Variants in FAM186B observed in about 807,000 individuals in gnomAD.
FAM186B encodes the protein family with sequence similarity 186 member B.
In FAM186B, 68 loss-of-function variants were observed where a neutral mutation model predicts 83.4. That is an observed-to-expected ratio of 0.81 (90% CI 0.67 to 1.00). The LOEUF is 1.00. Ranked by LOEUF, FAM186B falls within the 50% of genes least tolerant of loss-of-function variation. The pLI is 0.00. For synonymous variants in FAM186B, 389 were observed against 422.0 expected (o/e 0.92, Z 0.96); for missense variants, 983 against 1,099.2 (o/e 0.89, Z 1.49).
chr12:49,605,722 T>C (rs546650826), upstream of FAM186B: 133 of 392,888 alleles, frequency 3.4e-4, 1 homozygote, highest in African/African-American at 2.5e-3. Context: ...TTTTTGTCCA[T>C]TACCTAACAT....
rs374835327 is a variant in FAM186B at position 49,599,959 on chromosome 12, T to A, written c.1681A>T (p.Thr561Ser). Residue 561 changes from threonine (T) to serine (S), a missense_variant, in exon 4 of 7, where the codon ACA becomes TCA. Transcript: ENST00000257894. ...LGEDVERRIF[T>S]PTSRWRDLEK... ...AAGTCCCTCCATCGACTGGTGGGTG[T>A]GAAGATCCTCCTCTCCACATCCTCC... 3.2e-5 allele frequency: 52 copies of A among 1,613,808 alleles called. No homozygotes were observed. Among genetic ancestry groups the A allele is most frequent in the Non-Finnish European group, 4.2e-5 (49 of 1,179,948 alleles).
intron 5 of FAM186B, chr12:49,595,144 G>C: frequency 7.4e-6 from 3 of 407,524 alleles, no homozygotes; most frequent in Admixed American, 6.0e-5. Flanking sequence ...ATTATTTTGA[G>C]TTTTTGGCTA....
chr12:49,586,250 G>A (rs1159927999), downstream of FAM186B, among the ~76,000 whole-genome samples: 1 of 152,190 alleles, frequency 6.6e-6, no homozygotes, highest in Non-Finnish European at 1.5e-5. Context: ...CCTGGGTGTG[G>A]GTGGAACAGC....
At chr12:49,587,062 CATCTACAA>C (rs1939460762), downstream of FAM186B, among the ~76,000 whole-genome samples, 4 of 152,208 alleles carry the variant, frequency 2.6e-5, no homozygotes, top group Admixed American at 6.5e-5. Flanking sequence ...CCAGTAGTGA[CATCTACAA>C]GCCCAGAGAG....
chr12:49,604,349 G>C lies in FAM186B; in HGVS notation c.286C>G (p.His96Asp). ...AGCCAGCGGAGAATGTCATACAGGT[G>C]CTTCTCCTTCATCATAGCATCTTTG... ...FSKDAMMKEK[H>D]LYDILRWLGD... is the part of the protein sequence containing the mutation. The change falls in exon 2 of 7, where the codon CAC becomes GAC. Residue 96 changes from histidine to aspartate, a missense_variant. Transcript: ENST00000257894. The C allele has an allele frequency of 6.2e-7, 1 of 1,614,200 alleles. No individual in the cohort carries two copies.
chr12:49,604,316 A>G lies in FAM186B; in HGVS notation c.319T>C (p.Trp107Arg), dbSNP rs1306369351. 1 of 1,612,642 alleles carries G rather than the reference A, an allele frequency of 6.2e-7. No homozygotes were observed. Among genetic ancestry groups the G allele is most frequent in the Non-Finnish European group, 8.5e-7 (1 of 1,178,658 alleles). The change falls in exon 2 of 7, where the codon TGG (tryptophan) becomes CGG (arginine). Residue 107 changes from tryptophan to arginine, a missense_variant. By Grantham distance (101) the Trp-to-Arg change is moderately radical. Coordinates refer to ENST00000257894, the MANE Select transcript of FAM186B (RefSeq NM_032130.3). ...LYDILRWLGD[W>R]GDTLTYEIGP... ...GGTGCCCAGCCTGCAAACTCACCCC[A>G]GTCACCCAGCCAGCGGAGAATGTCA...
At chr12:49,592,379 G>A (rs1028290208) in intron 5 of FAM186B, among the ~76,000 whole-genome samples, 5 of 152,088 alleles carry the variant, frequency 3.3e-5, no homozygotes, top group Admixed American at 2.0e-4. Flanking sequence ...GGCTGAGGCA[G>A]GAGAATCTCT....
intron 3 of FAM186B, 56 bp from the exon 4 acceptor site, chr12:49,601,190 A>T: frequency 6.6e-7 from 1 of 1,509,988 alleles, no homozygotes. Flanking sequence ...CAAGGATTGC[A>T]TTGATTCTCC....
At chr12:49,590,207 G>A (rs749760079) in intron 5 of FAM186B, among the ~76,000 whole-genome samples, 2 of 151,922 alleles carry the variant, frequency 1.3e-5, no homozygotes, top group South Asian at 2.1e-4. Flanking sequence ...TCCCTCAGTG[G>A]TGTATGGCCC....
the FAM186B span, among the ~76,000 whole-genome samples, chr12:49,618,816 C>G: frequency 1.3e-3 from 191 of 152,118 alleles, 1 homozygote; most frequent in African/African-American, 4.5e-3. Flanking sequence ...ATAGGAGTTC[C>G]AAAAAGGAAA....
chr12:49,610,553 G>A (rs1293468724), upstream of FAM186B, among the ~76,000 whole-genome samples: 1 of 152,188 alleles, frequency 6.6e-6, no homozygotes, highest in Non-Finnish European at 1.5e-5. Context: ...CACTTTGGGA[G>A]GCCGAGGCGG....
intron 6 of FAM186B, among the ~76,000 whole-genome samples, chr12:49,587,968 C>T (rs545285923): frequency 6.3e-4 from 96 of 152,276 alleles, no homozygotes; most frequent in African/African-American, 2.3e-3. Context: ...GTTCCCAGGG[C>T]GGCCCCTGTC....
At chr12:49,606,301 C>A (rs1468552820), upstream of FAM186B, among the ~76,000 whole-genome samples, 2 of 150,886 alleles carry the variant, frequency 1.3e-5, no homozygotes, top group African/African-American at 4.9e-5. Context: ...TGAGACCAGC[C>A]TGGGCAACAT....
At chr12:49,584,431 CTG>C (rs1939397584), downstream of FAM186B, 2 of 694,518 alleles carry the variant, frequency 2.9e-6, no homozygotes, top group Non-Finnish European at 5.3e-6. Flanking sequence ...ACCAAGTTCT[CTG>C]TGGGTTTCCG....
intron 5 of FAM186B, chr12:49,595,635 C>A: frequency 2.4e-6 from 1 of 419,710 alleles, no homozygotes. Flanking sequence ...TGTTGAAGCC[C>A]TGAGCAGCAA....
chr12:49,614,838 C>T, the FAM186B span, among the ~76,000 whole-genome samples: 1 of 152,172 alleles, frequency 6.6e-6, no homozygotes, highest in African/African-American at 2.4e-5. Flanking sequence ...TGATAAAGGA[C>T]TACACACTGG....
At chr12:49,594,943 T>C (rs1229561667) in intron 5 of FAM186B, among the ~76,000 whole-genome samples, 1 of 151,728 alleles carries the variant, frequency 6.6e-6, no homozygotes, top group Non-Finnish European at 1.5e-5. Context: ...GGTATAGAAC[T>C]TGCATCCAGA....
At chr12:49,618,796 T>G in the FAM186B span, among the ~76,000 whole-genome samples, 1 of 152,180 alleles carries the variant, frequency 6.6e-6, no homozygotes, top group African/African-American at 2.4e-5. Context: ...ACAGGTCCAT[T>G]GTCCAAGTAA....
intron 1 of FAM186B, 44 bp downstream of exon 1, chr12:49,605,338 A>C: frequency 6.3e-7 from 1 of 1,587,590 alleles, no homozygotes; most frequent in Non-Finnish European, 8.6e-7. Context: ...CAGTCTCCGC[A>C]TCAGATCCCA....
Sources: allele counts gnomAD v4.1 joint callset (sites outside exome capture counted in the v4.1 genomes callset), GRCh38; gene constraint gnomAD v4.1.1; transcripts MANE v1.5; gene names NCBI Gene and HGNC (gene_info 2026-07-23, HGNC 2026-07-21).